The following NEXN variants were observed in gnomAD, a reference collection of about 807,000 sequenced individuals.
NEXN encodes the protein nexilin F-actin binding protein.
Under a neutral mutation model 92.6 loss-of-function variants are expected in NEXN, and 65 were observed. The observed-to-expected ratio is 0.70, with a 90% CI of 0.57 to 0.86. The LOEUF (loss-of-function observed/expected upper bound fraction) is 0.86. NEXN is among the 40% of genes least tolerant of loss of function. The pLI, the probability that NEXN is intolerant of heterozygous loss-of-function variation, is 0.00. For missense variants in NEXN, 778 were observed against 771.1 expected, an observed-to-expected ratio of 1.01 and a Z score of -0.11; for synonymous variants, 254 against 242.5, an observed-to-expected ratio of 1.05 and a Z score of -0.44.
chr1:77,894,060 G>A (rs1647166252), intron 1 of NEXN, among the ~76,000 whole-genome samples: 1 of 151,496 alleles, frequency 6.6e-6, no homozygotes, highest in Non-Finnish European at 1.5e-5. Context: ...TCCTGACCTC[G>A]TGATCTGCCC....
intron 1 of NEXN, among the ~76,000 whole-genome samples, chr1:77,912,489 AAC>A (rs1221134161): frequency 6.6e-6 from 1 of 152,252 alleles, no homozygotes; most frequent in Non-Finnish European, 1.5e-5. Context: ...TGGAATAGCC[AAC>A]ACAGTGTTGA....
chr1:77,909,059 T>C (rs2102067616), intron 1 of NEXN, among the ~76,000 whole-genome samples: 1 of 152,270 alleles, frequency 6.6e-6, no homozygotes, highest in Admixed American at 6.5e-5. Context: ...TATAGAAGAA[T>C]GAATCAAAAA....
Position 77,929,418 on chromosome 1 carries a change from G to C in NEXN, c.967G>C (p.Glu323Gln). The C allele has an allele frequency of 6.2e-7, 1 of 1,613,754 alleles. No homozygotes were observed. Among genetic ancestry groups the C allele is most frequent in the Non-Finnish European group, 8.5e-7 (1 of 1,179,846 alleles). The change falls in exon 9 of 13, where the codon GAA becomes CAA. Residue 323 changes from glutamate to glutamine, a missense_variant. Coordinates refer to ENST00000334785, the MANE Select transcript of NEXN (RefSeq NM_144573.4). ...TGAAGAAATGGAAAGGCAAAGAAGA[G>C]AAGATGAAAAAAGGAAAGCAGAAGA... is the stretch of plus-strand genomic sequence containing the variant. Reference protein sequence around the residue: ...SFEEMERQRREDEKRKAEEEA... With the variant: ...SFEEMERQRRQDEKRKAEEEA...
At chr1:77,898,522 A>G (rs1372767711) in intron 1 of NEXN, among the ~76,000 whole-genome samples, 1 of 152,264 alleles carries the variant, frequency 6.6e-6, no homozygotes, top group Non-Finnish European at 1.5e-5. Flanking sequence ...AAGATGGATT[A>G]AATACTTAAA....
Position 77,935,995 on chromosome 1 carries a change from G to C in NEXN, c.1424G>C (p.Arg475Thr). The change falls in exon 11 of 13, where the codon AGA (arginine) becomes ACA (threonine). Residue 475 changes from arginine to threonine, a missense_variant. Arg to Thr is a moderately conservative substitution (Grantham distance 71). Transcript: ENST00000334785. ...ATAGAAGAAGAGCGAGCAAGAAGGAGAGCAATTGACCTTGAAATTAAAGAG... is the reference window on the plus strand; with the variant it reads ...ATAGAAGAAGAGCGAGCAAGAAGGACAGCAATTGACCTTGAAATTAAAGAG... ...KKIEEERARR[R>T]AIDLEIKERE... 6.2e-7 allele frequency: 1 copy of C among 1,613,642 alleles called. No homozygotes were observed. Among genetic ancestry groups the C allele is most frequent in the Non-Finnish European group, 8.5e-7 (1 of 1,179,896 alleles).
At chr1:77,933,177 A>G (rs1212559295) in intron 9 of NEXN, 105 bp from the exon 10 acceptor site, 46 of 823,082 alleles carry the variant, frequency 5.6e-5, no homozygotes, top group Non-Finnish European at 3.9e-6. Context: ...ACAAAAACAA[A>G]AACTAAAAAC....
intron 11 of NEXN, among the ~76,000 whole-genome samples, chr1:77,936,635 A>G (rs566258842): frequency 2.0e-4 from 31 of 152,342 alleles, no homozygotes; most frequent in African/African-American, 7.5e-4. Context: ...ATTATCTTCA[A>G]ACATAAAATA....
chr1:77,904,592 A>T (rs1435230984), intron 1 of NEXN, among the ~76,000 whole-genome samples: 2 of 152,214 alleles, frequency 1.3e-5, no homozygotes, highest in Non-Finnish European at 2.9e-5. Flanking sequence ...ATTGAACAAG[A>T]TACTGGAAAG....
At chr1:77,922,999 GTGTC>G (rs1649555395) in intron 5 of NEXN, among the ~76,000 whole-genome samples, 2 of 147,334 alleles carry the variant, frequency 1.4e-5, no homozygotes, top group Admixed American at 6.8e-5. Flanking sequence ...AAGAAATTGG[GTGTC>G]TTTTTTTTTT....
At chr1:77,897,943 C>T (rs1647365753) in intron 1 of NEXN, among the ~76,000 whole-genome samples, 1 of 152,044 alleles carries the variant, frequency 6.6e-6, no homozygotes, top group South Asian at 2.1e-4. Flanking sequence ...CCTAGGAATC[C>T]AACTTACAAG....
chr1:77,893,344 T>C (rs1166706), intron 1 of NEXN, among the ~76,000 whole-genome samples: 133,538 of 152,014 alleles, frequency 0.88, 58,815 homozygotes, highest in Non-Finnish European at 0.9. Context: ...CAATGAAAGA[T>C]CATCTTCCGC....
chr1:77,907,293 C>A (rs1027859537), intron 1 of NEXN, among the ~76,000 whole-genome samples: 10 of 152,164 alleles, frequency 6.6e-5, no homozygotes, highest in African/African-American at 2.4e-4. Context: ...GTTGTTTCTA[C>A]CAAGGCAGTG....
chr1:77,902,666 T>C (rs1221870370), intron 1 of NEXN, among the ~76,000 whole-genome samples: 3 of 152,226 alleles, frequency 2.0e-5, no homozygotes, highest in Non-Finnish European at 4.4e-5. Context: ...GGGTTCATTG[T>C]ATTAGTCTCT....
chr1:77,913,872 T>A (rs1308580560), intron 1 of NEXN, among the ~76,000 whole-genome samples: 5 of 152,160 alleles, frequency 3.3e-5, no homozygotes, highest in African/African-American at 1.2e-4. Flanking sequence ...TAAACTGTGG[T>A]ACATGCAGGT....
intron 9 of NEXN, 100 bp from the exon 10 acceptor site, chr1:77,933,182 A>G (rs1650446517): frequency 2.4e-6 from 2 of 847,778 alleles, no homozygotes; most frequent in Non-Finnish European, 1.9e-6. Flanking sequence ...AACAAAAACT[A>G]AAAACAAACA....
chr1:77,918,425 C>A, intron 5 of NEXN, 152 bp downstream of exon 5: 2 of 945,880 alleles, frequency 2.1e-6, no homozygotes, highest in Non-Finnish European at 3.3e-6. Flanking sequence ...CCTCTGTAAT[C>A]TCAGCACTTT....
At chr1:77,927,585 C>T (rs1649955111) in intron 8 of NEXN, among the ~76,000 whole-genome samples, 1 of 148,780 alleles carries the variant, frequency 6.7e-6, no homozygotes, top group South Asian at 2.2e-4. Flanking sequence ...TGTGTGCATG[C>T]CTCTGTGTGT....
At chr1:77,891,745 A>T (rs929447824) in intron 1 of NEXN, among the ~76,000 whole-genome samples, 57 of 44,038 alleles carry the variant, frequency 1.3e-3, no homozygotes, top group Middle Eastern at 0.012. Flanking sequence ...GTGGAAAAAA[A>T]GTAAAAAAAA....
Position 77,942,751 on chromosome 1 carries a change from A to C in NEXN, c.1950A>C (p.Gly650=). The change falls in exon 13 of 13, where the codon GGA becomes GGC. Residue 650 remains glycine (G), a synonymous_variant. Transcript: ENST00000334785. ...CAGAAACTTTCCCAGAAGATGGAGGAGAGTATATGTGTAAAGCAGTCAACA... is the reference window on the plus strand; with the variant it reads ...CAGAAACTTTCCCAGAAGATGGAGGCGAGTATATGTGTAAAGCAGTCAACA... ...YLPETFPEDG[G]EYMCKAVNNK... 1 of 1,613,750 alleles carries C rather than the reference A, an allele frequency of 6.2e-7. No individual in the cohort carries two copies. Among genetic ancestry groups the C allele is most frequent in the Non-Finnish European group, 8.5e-7 (1 of 1,179,738 alleles).
Sources: allele counts gnomAD v4.1 joint callset (sites outside exome capture counted in the v4.1 genomes callset), GRCh38; gene constraint gnomAD v4.1.1; transcripts MANE v1.5; gene names NCBI Gene and HGNC (gene_info 2026-07-23, HGNC 2026-07-21).